The following CCDC63 variants were observed in gnomAD, a reference collection of about 807,000 sequenced individuals.
CCDC63 encodes the protein coiled-coil domain containing 63.
In CCDC63, 54 loss-of-function variants were observed where a neutral mutation model predicts 63.6. That is an observed-to-expected ratio of 0.85 (90% CI 0.68 to 1.07). The LOEUF is 1.07. Among genes scored for constraint, CCDC63 ranks in the 50% least tolerant of loss-of-function variants. The pLI is 0.00. For missense variants in CCDC63, 637 were observed against 689.6 expected (o/e 0.92, Z 0.86); for synonymous variants, 253 against 266.1 (o/e 0.95, Z 0.48).
intron 11 of CCDC63, among the ~76,000 whole-genome samples, chr12:110,905,517 T>G (rs1404718330): frequency 6.6e-6 from 1 of 151,754 alleles, no homozygotes; most frequent in Non-Finnish European, 1.5e-5. Context: ...AGATGAAAGG[T>G]GGAGGAGTGG....
In CCDC63 at chr12:110,858,773, A is replaced by G. The variant is rs757727913; in HGVS notation, c.367A>G (p.Lys123Glu). The change falls in exon 4 of 12, where the codon AAG (lysine) becomes GAG (glutamate). Residue 123 changes from lysine (K) to glutamate (E), a missense_variant and splice_region_variant. Coordinates refer to ENST00000308208, the MANE Select transcript of CCDC63 (RefSeq NM_152591.3). ...AGTGCTGTTGGCTGAACTGGATGAG[A>G]AGGTGTGGTCTTTCTCTTAAAGGGT... ...LKVLLAELDE[K>E]ILQMEKKIAN... 9 of 1,612,820 alleles carry G rather than the reference A, an allele frequency of 5.6e-6. No individual in the cohort carries two copies. The East Asian group carries it at 1.8e-4, about 32-fold the overall frequency.
intron 8 of CCDC63, among the ~76,000 whole-genome samples, chr12:110,891,768 C>A (rs1203043362): frequency 1.3e-5 from 2 of 152,108 alleles, no homozygotes; most frequent in Admixed American, 6.6e-5. Context: ...AAGACCCTCT[C>A]CCCTGTTTTA....
chr12:110,888,773 T>G (rs906314021), intron 8 of CCDC63, among the ~76,000 whole-genome samples: 1 of 151,156 alleles, frequency 6.6e-6, no homozygotes, highest in Non-Finnish European at 1.5e-5. Flanking sequence ...TCCAACTTTT[T>G]TTTTGGTCCT....
intron 5 of CCDC63, among the ~76,000 whole-genome samples, chr12:110,877,704 C>CTTT (rs869085659): frequency 2.1e-5 from 3 of 142,908 alleles, no homozygotes; most frequent in African/African-American, 7.9e-5. Context: ...GACTTTCTTT[C>CTTT]TTTCTTTTTT....
intron 2 of CCDC63, 83 bp downstream of exon 2, chr12:110,853,046 C>T: frequency 2.1e-6 from 3 of 1,447,612 alleles, no homozygotes; most frequent in Non-Finnish European, 2.9e-6. Context: ...TAGCTCGTCT[C>T]ATCCTGACAA....
At chr12:110,845,701 T>C (rs916431999), upstream of CCDC63, 2 of 152,038 alleles carry the variant, frequency 1.3e-5, no homozygotes, top group African/African-American at 4.8e-5. Flanking sequence ...CCAGCAACAT[T>C]AGGGGCAACA....
chr12:110,854,293 C>CTTTT (rs34749124), intron 3 of CCDC63, among the ~76,000 whole-genome samples: 18 of 101,576 alleles, frequency 1.8e-4, no homozygotes, highest in East Asian at 2.9e-4. Context: ...TTTCTTTTCT[C>CTTTT]TTTTTTTTTT....
Position 110,900,035 on chromosome 12 carries a change from G to A in CCDC63, c.1342+910G>A, listed in dbSNP as rs556539473. 2.0e-5 allele frequency among the ~76,000 whole-genome samples: 3 copies of A among 152,080 alleles called. No homozygotes were observed. The South Asian group carries it at 6.2e-4, about 32-fold the overall frequency. On this transcript the variant is annotated intron_variant, in intron 10 of 11. Coordinates refer to ENST00000308208, the MANE Select transcript of CCDC63 (RefSeq NM_152591.3). ...TCAAGACCAGACTGGCAAACATGGT[G>A]AAACCCTGTCTCTACTAAAAATACA... is the stretch of plus-strand genomic sequence containing the variant.
intron 4 of CCDC63, among the ~76,000 whole-genome samples, chr12:110,863,048 G>A (rs113481129): frequency 4.0e-4 from 61 of 152,266 alleles, no homozygotes; most frequent in African/African-American, 1.4e-3. Context: ...GAACCACGGC[G>A]TCCAGCTGTT....
At chr12:110,861,487 T>G (rs927014315) in intron 4 of CCDC63, among the ~76,000 whole-genome samples, 4 of 152,156 alleles carry the variant, frequency 2.6e-5, no homozygotes, top group Admixed American at 2.0e-4. Flanking sequence ...TCCAGGACTT[T>G]GCGTGTGCTA....
Position 110,881,181 on chromosome 12 carries a change from C to G in CCDC63, c.738C>G (p.Asn246Lys). Residue 246 changes from asparagine to lysine, a missense_variant, in exon 7 of 12, where the codon AAC (asparagine) becomes AAG (lysine). Coordinates refer to ENST00000308208, the MANE Select transcript of CCDC63 (RefSeq NM_152591.3). ...DRQKKDTSQY[N>K]LEIRELERLY... ...AGAAGAAGGACACCTCTCAGTACAA[C>G]CTGGAGATCCGAGAGCTGGAGCGTC... 6.2e-7 allele frequency: 1 copy of G among 1,613,528 alleles called. No homozygotes were observed. The highest frequency in any genetic ancestry group is 1.1e-5 in the South Asian group (1 of 91,030).
rs540719468 is a variant in CCDC63, at chr12:110,903,444, G to A, written c.1343-1144G>A. Among the ~76,000 whole-genome samples the A allele has an allele frequency of 5.9e-5, 9 of 152,368 alleles. No homozygotes were observed. The East Asian group carries it at 1.7e-3, about 29-fold the overall frequency. Reference sequence around the variant, plus strand: ...ATCGGGATGGCCAGGGCTGCCTGTAGTGATTGGTTCAATTGTTGAACTTGG... The same window carrying A: ...ATCGGGATGGCCAGGGCTGCCTGTAATGATTGGTTCAATTGTTGAACTTGG... On this transcript the variant is annotated intron_variant, in intron 10 of 11. Coordinates refer to ENST00000308208, the MANE Select transcript of CCDC63 (RefSeq NM_152591.3).
intron 5 of CCDC63, among the ~76,000 whole-genome samples, chr12:110,879,322 T>C (rs1217826588): frequency 2.6e-5 from 4 of 152,338 alleles, no homozygotes; most frequent in Admixed American, 1.3e-4. Flanking sequence ...CAAAGGGACG[T>C]TGTCCCCAAA....
intron 1 of CCDC63, among the ~76,000 whole-genome samples, chr12:110,851,405 G>A (rs1344648037): frequency 6.6e-6 from 1 of 152,172 alleles, no homozygotes; most frequent in Non-Finnish European, 1.5e-5. Flanking sequence ...AAGTGCAGCA[G>A]GAAACAAAGT....
Position 110,853,572 on chromosome 12 carries a change from G to A in CCDC63, c.177G>A (p.Gln59=). The part of the protein sequence containing the change: ...KFRNQQKIAS[Q]YKEIKTLKTE... ...GAAACCAGCAGAAGATTGCGAGTCA[G>A]TAGTAAGTGATGGTTGGAGTTTCGC... The change falls in exon 3 of 12, where the codon CAG becomes CAA. Residue 59 remains glutamine (Q), a splice_region_variant and synonymous_variant. Transcript: ENST00000308208. The A allele has an allele frequency of 6.2e-7, 1 of 1,614,180 alleles. No individual in the cohort carries two copies. Among genetic ancestry groups the A allele is most frequent in the Non-Finnish European group, 8.5e-7 (1 of 1,180,034 alleles).
At chr12:110,867,178 A>G (rs2070969019) in intron 4 of CCDC63, among the ~76,000 whole-genome samples, 1 of 109,600 alleles carries the variant, frequency 9.1e-6, no homozygotes, top group Non-Finnish European at 1.8e-5. Context: ...CGGGGGGCTG[A>G]CACCCCCACC....
intron 8 of CCDC63, among the ~76,000 whole-genome samples, chr12:110,888,674 C>G (rs1452485322): frequency 6.6e-6 from 1 of 152,166 alleles, no homozygotes; most frequent in Non-Finnish European, 1.5e-5. Context: ...ATCTGGAAAG[C>G]AACTAAGGAT....
chr12:110,876,772 A>G (rs1335527038), intron 5 of CCDC63, among the ~76,000 whole-genome samples: 1 of 151,910 alleles, frequency 6.6e-6, no homozygotes, highest in Non-Finnish European at 1.5e-5. Flanking sequence ...GGTGGCTCAC[A>G]TCTATAATCC....
chr12:110,893,990 CAAAAAA>C (rs35844792), intron 9 of CCDC63, among the ~76,000 whole-genome samples: 2 of 117,560 alleles, frequency 1.7e-5, no homozygotes, highest in African/African-American at 3.3e-5. Flanking sequence ...GACCCTGTCT[CAAAAAA>C]AAAAAAAAAA....
Sources: gnomAD v4.1 joint callset for allele counts (sites outside exome capture counted in the v4.1 genomes callset) on GRCh38, gnomAD v4.1.1 for gene constraint, MANE v1.5 for transcripts, NCBI Gene and HGNC (gene_info 2026-07-23, HGNC 2026-07-21) for gene names.